The following PTPRD variants were observed in gnomAD, a reference collection of about 807,000 sequenced individuals.
PTPRD encodes the protein protein tyrosine phosphatase receptor type D.
A neutral mutation model predicts 214.5 loss-of-function variants in PTPRD; 34 were observed. That is an observed-to-expected ratio of 0.16 (90% confidence interval 0.12 to 0.21). The LOEUF is 0.21. PTPRD is among the 10% of genes least tolerant of loss of function. PTPRD has a pLI of 1.00. For synonymous variants in PTPRD, 1,128 were observed against 845.7 expected (o/e 1.33, Z -5.79); for missense variants, 2,545 against 2,398.7 (o/e 1.06, Z -1.27).
At chr9:9,992,460 A>C (rs1023685113) in intron 4 of PTPRD, among the ~76,000 whole-genome samples, 22 of 152,198 alleles carry the variant, frequency 1.4e-4, no homozygotes, top group Non-Finnish European at 2.8e-4. Context: ...GCATATACTC[A>C]GAGGATTATA....
chr9:10,580,564 T>C (rs1032197312), intron 2 of PTPRD, among the ~76,000 whole-genome samples: 7 of 152,194 alleles, frequency 4.6e-5, no homozygotes, highest in Middle Eastern at 3.2e-3. Flanking sequence ...TGGGATTGAG[T>C]AGAAATGCTG....
intron 12 of PTPRD, among the ~76,000 whole-genome samples, chr9:8,673,773 C>G (rs1034503121): frequency 6.6e-6 from 1 of 152,114 alleles, no homozygotes; most frequent in African/African-American, 2.4e-5. Context: ...ATTGGCATAA[C>G]GAGTGCACTG....
chr9:8,481,689 C>A (rs73640919), intron 30 of PTPRD, among the ~76,000 whole-genome samples: 5,679 of 152,232 alleles, frequency 0.037, 353 homozygotes, highest in African/African-American at 0.13. Context: ...TTTTGCTTCA[C>A]ATTTTCCCCT....
At chr9:9,171,915 T>A (rs1171898616) in intron 10 of PTPRD, among the ~76,000 whole-genome samples, 1 of 152,156 alleles carries the variant, frequency 6.6e-6, no homozygotes, top group Non-Finnish European at 1.5e-5. Context: ...TAATCATTAT[T>A]TAACAAATAT....
At chr9:9,363,666 G>A (rs553082753) in intron 9 of PTPRD, among the ~76,000 whole-genome samples, 6 of 151,356 alleles carry the variant, frequency 4.0e-5, no homozygotes, top group African/African-American at 1.2e-4. Flanking sequence ...TAGGCAGTGT[G>A]TGGGGCCTGA....
At chr9:10,239,128 A>T (rs1039262215) in intron 3 of PTPRD, among the ~76,000 whole-genome samples, 1 of 151,984 alleles carries the variant, frequency 6.6e-6, no homozygotes, top group Non-Finnish European at 1.5e-5. Context: ...TTATAGACTA[A>T]GTTTCCATAA....
chr9:10,264,925 A>G (rs1276644694), intron 3 of PTPRD, among the ~76,000 whole-genome samples: 1 of 152,152 alleles, frequency 6.6e-6, no homozygotes, highest in Non-Finnish European at 1.5e-5. Context: ...AATAAGTCTC[A>G]TGAGATCTGA....
At chr9:10,580,841 T>C (rs2071470440) in intron 2 of PTPRD, among the ~76,000 whole-genome samples, 1 of 152,204 alleles carries the variant, frequency 6.6e-6, no homozygotes, top group East Asian at 1.9e-4. Flanking sequence ...TTTTATCTGA[T>C]ACATTTAAAC....
chr9:8,980,594 C>G (rs1411395363), intron 11 of PTPRD, among the ~76,000 whole-genome samples: 1 of 152,058 alleles, frequency 6.6e-6, no homozygotes. Flanking sequence ...AAAGTTATCT[C>G]AGAAAATTCC....
At chr9:8,482,923 A>C (rs2135685642) in intron 30 of PTPRD, among the ~76,000 whole-genome samples, 1 of 152,310 alleles carries the variant, frequency 6.6e-6, no homozygotes, top group Non-Finnish European at 1.5e-5. Context: ...AACTTTATTG[A>C]CCCATTCTGA....
chr9:8,760,620 G>GTGTA (rs2094353571), intron 11 of PTPRD, among the ~76,000 whole-genome samples: 1 of 151,932 alleles, frequency 6.6e-6, no homozygotes, highest in African/African-American at 2.4e-5. Flanking sequence ...GTGTGTGTGT[G>GTGTA]TGTGTGTGGC....
At chr9:9,163,063 T>C (rs1404276125) in intron 10 of PTPRD, among the ~76,000 whole-genome samples, 1 of 152,080 alleles carries the variant, frequency 6.6e-6, no homozygotes, top group African/African-American at 2.4e-5. Flanking sequence ...TTATCTACTC[T>C]CACTTAAAAT....
At chr9:8,977,078 A>ACCAT (rs2099272061) in intron 11 of PTPRD, among the ~76,000 whole-genome samples, 2 of 152,046 alleles carry the variant, frequency 1.3e-5, no homozygotes, top group African/African-American at 4.8e-5. Flanking sequence ...CATCCTCTTA[A>ACCAT]CCATCCATCA....
chr9:9,150,364 GCA>G (rs1165019676), intron 10 of PTPRD, among the ~76,000 whole-genome samples: 2 of 150,416 alleles, frequency 1.3e-5, no homozygotes, highest in East Asian at 1.9e-4. Context: ...AATAGTATAA[GCA>G]CAGTCTTTTA....
At chr9:9,920,684 A>G (rs1030422426) in intron 5 of PTPRD, among the ~76,000 whole-genome samples, 2 of 152,136 alleles carry the variant, frequency 1.3e-5, no homozygotes, top group Admixed American at 6.6e-5. Context: ...CCTCAGTTGA[A>G]TAAGAAGGAG....
At chr9:8,983,258 C>A (rs1201035258) in intron 11 of PTPRD, among the ~76,000 whole-genome samples, 2 of 151,806 alleles carry the variant, frequency 1.3e-5, no homozygotes. Flanking sequence ...TTGAGTTATT[C>A]TAGCTTGAAG....
rs531573828 is a variant in PTPRD, at chr9:8,314,943, A to T, written c.*2931T>A. 3.0e-5 allele frequency: 7 copies of T among 232,552 alleles called. No homozygotes were observed. Among genetic ancestry groups the T allele is most frequent in the African/African-American group, 4.4e-5 (2 of 45,378 alleles). 14.4% of individuals were successfully genotyped at this position (232,552 alleles called of 1,614,324 possible). On this transcript the variant is annotated 3_prime_UTR_variant, in exon 46 of 46. Coordinates refer to ENST00000381196, the MANE Select transcript of PTPRD (RefSeq NM_002839.4). ...TTTTCTAACCATGCAAATCATTTTT[A>T]AAAAAGAGCTAAAATAAAGTTCTGT...
At chr9:10,062,713 T>TC (rs1555534473) in intron 3 of PTPRD, among the ~76,000 whole-genome samples, 2 of 151,944 alleles carry the variant, frequency 1.3e-5, no homozygotes, top group African/African-American at 4.8e-5. Context: ...AATATTTTTT[T>TC]TCTCTCTCTT....
intron 10 of PTPRD, chr9:9,090,981 A>G (rs1372417928): frequency 1.3e-6 from 2 of 1,575,044 alleles, no homozygotes; most frequent in Middle Eastern, 1.7e-4. Flanking sequence ...ACTGTGCCCG[A>G]TGCATGCCCA....
Sources: gnomAD v4.1 joint callset for allele counts (sites outside exome capture counted in the v4.1 genomes callset) on GRCh38, gnomAD v4.1.1 for gene constraint, MANE v1.5 for transcripts, NCBI Gene and HGNC (gene_info 2026-07-23, HGNC 2026-07-21) for gene names.